The following PDZRN4 variants were observed in gnomAD, a reference collection of about 807,000 sequenced individuals.
PDZRN4 encodes PDZ domain containing ring finger 4.
Under a neutral mutation model 99.0 loss-of-function variants are expected in PDZRN4, and 70 were observed. That is an observed-to-expected ratio of 0.71 (90% CI 0.58 to 0.86). The LOEUF (loss-of-function observed/expected upper bound fraction) is 0.86, where lower values mean the gene tolerates loss of function less well. Ranked by LOEUF, PDZRN4 falls within the 40% of genes least tolerant of loss-of-function variation. The pLI, the probability that PDZRN4 is intolerant of heterozygous loss-of-function variation, is 0.00. For synonymous variants in PDZRN4, 551 were observed against 501.6 expected (o/e 1.10, Z -1.32); for missense variants, 1,474 against 1,331.2 (o/e 1.11, Z -1.67).
At chr12:41,523,402 C>T (rs182755831) in intron 5 of PDZRN4, among the ~76,000 whole-genome samples, 4 of 152,122 alleles carry the variant, frequency 2.6e-5, no homozygotes, top group Non-Finnish European at 4.4e-5. Flanking sequence ...CACGTGGAAG[C>T]GTCTAGAAAG....
chr12:41,255,368 G>C (rs1951197093), intron 3 of PDZRN4, among the ~76,000 whole-genome samples: 1 of 152,144 alleles, frequency 6.6e-6, no homozygotes, highest in South Asian at 2.1e-4. Flanking sequence ...AACTGGGGCT[G>C]TTCATGGCCT....
rs562577644 is a variant in PDZRN4 at position 41,506,624 on chromosome 12, A to T, written c.1012A>T (p.Ile338Phe). 6.2e-7 allele frequency: 1 copy of T among 1,613,920 alleles called. No individual in the cohort carries two copies. The highest frequency in any genetic ancestry group is 2.2e-5 in the East Asian group (1 of 44,844). The change falls in exon 4 of 10, where the codon ATC becomes TTC. Residue 338 changes from isoleucine to phenylalanine, a missense_variant. By Grantham distance (21) the Ile-to-Phe change is conservative (BLOSUM62 0). Transcript: ENST00000402685. ...QLMNASTQTD[I>F]TFEHIMALAK... ...TATGAATGCCAGCACTCAGACGGACATCACCTTCGAACACATCATGGCTCT... is the reference window on the plus strand; with the variant it reads ...TATGAATGCCAGCACTCAGACGGACTTCACCTTCGAACACATCATGGCTCT...
intron 3 of PDZRN4, among the ~76,000 whole-genome samples, chr12:41,357,256 A>G (rs1242805118): frequency 6.6e-6 from 1 of 151,732 alleles, no homozygotes; most frequent in Non-Finnish European, 1.5e-5. Context: ...GAATATTAAT[A>G]TGTTTAGAAC....
intron 3 of PDZRN4, among the ~76,000 whole-genome samples, chr12:41,309,033 C>T (rs922835743): frequency 2.0e-5 from 3 of 151,708 alleles, no homozygotes; most frequent in Non-Finnish European, 2.9e-5. Flanking sequence ...GATTAAAGAC[C>T]CAAAATGAGA....
chr12:41,228,283 T>C (rs1218193557), intron 3 of PDZRN4, among the ~76,000 whole-genome samples: 1 of 152,168 alleles, frequency 6.6e-6, no homozygotes, highest in African/African-American at 2.4e-5. Flanking sequence ...ATCATAATTA[T>C]CTTAAAGCAC....
chr12:41,400,438 GC>G (rs1176370658), intron 3 of PDZRN4, among the ~76,000 whole-genome samples: 4 of 152,116 alleles, frequency 2.6e-5, no homozygotes, highest in Admixed American at 2.0e-4. Flanking sequence ...TAAGTGATTT[GC>G]AACACTTTCG....
At chr12:41,347,810 T>G (rs1951865583) in intron 3 of PDZRN4, among the ~76,000 whole-genome samples, 1 of 152,164 alleles carries the variant, frequency 6.6e-6, no homozygotes, top group Non-Finnish European at 1.5e-5. Flanking sequence ...ATTTAAAACA[T>G]CTGTAAAGTG....
At chr12:41,549,479 T>C (rs192471263) in intron 5 of PDZRN4, among the ~76,000 whole-genome samples, 324 of 152,350 alleles carry the variant, frequency 2.1e-3, no homozygotes, top group Non-Finnish European at 3.5e-3. Flanking sequence ...TGTATGTTTC[T>C]GTGTTTTAAT....
At chr12:41,481,576 T>G (rs899652457) in intron 3 of PDZRN4, among the ~76,000 whole-genome samples, 20 of 152,146 alleles carry the variant, frequency 1.3e-4, no homozygotes, top group Non-Finnish European at 2.8e-4. Context: ...TTTCTCTGGC[T>G]TTCTCTTTAT....
intron 3 of PDZRN4, among the ~76,000 whole-genome samples, chr12:41,414,580 G>T (rs576818052): frequency 1.3e-5 from 2 of 151,834 alleles, no homozygotes; most frequent in African/African-American, 4.8e-5. Context: ...GGAAAAGAAA[G>T]AAGGAAAACA....
At chr12:41,295,766 A>C (rs1418591122) in intron 3 of PDZRN4, among the ~76,000 whole-genome samples, 2 of 152,196 alleles carry the variant, frequency 1.3e-5, no homozygotes, top group Non-Finnish European at 2.9e-5. Context: ...GAGCAGCACG[A>C]ATTCTACTGA....
chr12:41,251,906 G>C (rs535560083), intron 3 of PDZRN4, among the ~76,000 whole-genome samples: 2 of 152,144 alleles, frequency 1.3e-5, no homozygotes, highest in East Asian at 3.9e-4. Context: ...GCTAGAGCCA[G>C]GGGGTTCAAG....
At chr12:41,479,200 G>C (rs1937636277) in intron 3 of PDZRN4, among the ~76,000 whole-genome samples, 1 of 152,172 alleles carries the variant, frequency 6.6e-6, no homozygotes, top group Non-Finnish European at 1.5e-5. Flanking sequence ...TCCTGACTTG[G>C]ATGTGGGTAT....
chr12:41,471,468 A>T (rs887869241), intron 3 of PDZRN4, among the ~76,000 whole-genome samples: 5 of 151,532 alleles, frequency 3.3e-5, no homozygotes, highest in African/African-American at 1.2e-4. Context: ...GGATGATTCT[A>T]TCTATTGGTT....
intron 3 of PDZRN4, among the ~76,000 whole-genome samples, chr12:41,405,107 T>C (rs1429315281): frequency 1.3e-5 from 2 of 152,156 alleles, no homozygotes; most frequent in East Asian, 3.9e-4. Flanking sequence ...AAATAAGAAT[T>C]GACAAGTGGG....
intron 3 of PDZRN4, among the ~76,000 whole-genome samples, chr12:41,294,966 A>G (rs374878941): frequency 6.6e-6 from 1 of 152,070 alleles, no homozygotes; most frequent in East Asian, 1.9e-4. Flanking sequence ...AAAGAGCCCA[A>G]AGTTTTCTAG....
At chr12:41,516,596 T>G (rs953066331) in intron 5 of PDZRN4, among the ~76,000 whole-genome samples, 1 of 152,066 alleles carries the variant, frequency 6.6e-6, no homozygotes, top group African/African-American at 2.4e-5. Flanking sequence ...TTGTTTCTAT[T>G]TTACCAAGGA....
chr12:41,508,542 C>G (rs1938247778), intron 4 of PDZRN4, among the ~76,000 whole-genome samples: 1 of 152,178 alleles, frequency 6.6e-6, no homozygotes, highest in Non-Finnish European at 1.5e-5. Context: ...CAGCAGGGCT[C>G]CCTTCTTACT....
intron 3 of PDZRN4, among the ~76,000 whole-genome samples, chr12:41,311,161 C>T (rs1951604203): frequency 6.6e-6 from 1 of 152,060 alleles, no homozygotes; most frequent in Admixed American, 6.6e-5. Flanking sequence ...AACTAACACT[C>T]TGGTACCACA....
Sources: allele counts gnomAD v4.1 joint callset (sites outside exome capture counted in the v4.1 genomes callset), GRCh38; gene constraint gnomAD v4.1.1; transcripts MANE v1.5; gene names NCBI Gene and HGNC (gene_info 2026-07-23, HGNC 2026-07-21).